Variants in ATP6V1C2 observed in about 807,000 individuals in gnomAD.
The protein encoded by ATP6V1C2 is ATPase H+ transporting V1 subunit C2.
Under a neutral mutation model 56.8 loss-of-function variants are expected in ATP6V1C2, and 45 were observed. That is an observed-to-expected ratio of 0.79 (90% CI 0.62 to 1.02). The LOEUF is 1.02. ATP6V1C2 is among the 50% of genes least tolerant of loss of function. The pLI, the probability that ATP6V1C2 is intolerant of heterozygous loss-of-function variation, is 0.00. For synonymous variants in ATP6V1C2, 220 were observed against 201.3 expected, an observed-to-expected ratio of 1.09 and a Z score of -0.79; for missense variants, 463 against 519.7, an observed-to-expected ratio of 0.89 and a Z score of 1.06.
chr2:10,745,041 C>CTTTTTTTTTTTTTTTTTTTT (rs5829274), intron 3 of ATP6V1C2, among the ~76,000 whole-genome samples: 18 of 113,302 alleles, frequency 1.6e-4, no homozygotes, highest in East Asian at 7.7e-4. Flanking sequence ...TATTTATTTT[C>CTTTTTTTTTTTTTTTTTTTT]TTTTTTTTTT....
At chr2:10,731,991 GAA>G (rs372717221) in intron 3 of ATP6V1C2, among the ~76,000 whole-genome samples, 1 of 142,422 alleles carries the variant, frequency 7.0e-6, no homozygotes, top group African/African-American at 2.6e-5. Flanking sequence ...AAGAATAAAA[GAA>G]AAAAAAAAAG....
chr2:10,727,814 G>T lies in ATP6V1C2; in HGVS notation c.197+1245G>T, dbSNP rs150599286. Among the ~76,000 whole-genome samples the T allele has an allele frequency of 9.7e-3, 1,467 of 151,472 alleles. 28 individuals carry two copies. Among genetic ancestry groups the T allele is most frequent in the African/African-American group, 0.033 (1,368 of 41,192 alleles). ...CTCCGGAGGCTGAGGCAGGAGAATC[G>T]CTTGAGCGGGGGAGGGGGGATGGGG... On this transcript the variant is annotated intron_variant, in intron 3 of 13. Transcript: ENST00000272238.
intron 5 of ATP6V1C2, among the ~76,000 whole-genome samples, chr2:10,768,438 A>T (rs1664370432): frequency 6.6e-6 from 1 of 152,174 alleles, no homozygotes; most frequent in African/African-American, 2.4e-5. Flanking sequence ...CTGAGAGGGT[A>T]GGTGTGGGCG....
At chr2:10,742,288 G>T (rs529693656) in intron 3 of ATP6V1C2, among the ~76,000 whole-genome samples, 2 of 152,302 alleles carry the variant, frequency 1.3e-5, no homozygotes, top group South Asian at 4.1e-4. Context: ...GAGGGAGAAA[G>T]CCTTCTCTTT....
In ATP6V1C2 at chr2:10,777,590, T is replaced by G; in HGVS notation, c.831T>G (p.Thr277=). 6.2e-7 allele frequency: 1 copy of G among 1,611,426 alleles called. No homozygotes were observed. The highest frequency in any genetic ancestry group is 1.7e-5 in the Admixed American group (1 of 59,050). ...AATCATTTCTGTGCCTTTAGCAAACTTCCTGTGTTGCTCTTAAAAAGGGAT... is the reference window on the plus strand; with the variant it reads ...AATCATTTCTGTGCCTTTAGCAAACGTCCTGTGTTGCTCTTAAAAAGGGAT... ...LLSDKKQQYQ[T]SCVALKKGSS... is the part of the protein sequence containing the mutation. The change falls in exon 11 of 14, where the codon ACT becomes ACG. Residue 277 remains threonine, a synonymous_variant. Transcript: ENST00000272238.
chr2:10,724,615 A>G (rs1388824669), intron 2 of ATP6V1C2, among the ~76,000 whole-genome samples: 1 of 151,790 alleles, frequency 6.6e-6, no homozygotes, highest in Non-Finnish European at 1.5e-5. Context: ...AAATTAAGTT[A>G]CTTGAGAAGA....
At chr2:10,757,702 G>A (rs1431990862) in intron 4 of ATP6V1C2, among the ~76,000 whole-genome samples, 2 of 152,322 alleles carry the variant, frequency 1.3e-5, no homozygotes, top group African/African-American at 2.4e-5. Context: ...AGCTGGGAAC[G>A]CTTTGACCTT....
chr2:10,721,104 G>A (rs1661333839), upstream of ATP6V1C2, among the ~76,000 whole-genome samples: 3 of 152,132 alleles, frequency 2.0e-5, no homozygotes, highest in East Asian at 1.9e-4. Flanking sequence ...GCGCCCACAC[G>A]GACAGGAAAA....
chr2:10,779,483 C>T (rs1281098315), intron 12 of ATP6V1C2, among the ~76,000 whole-genome samples: 1 of 147,288 alleles, frequency 6.8e-6, no homozygotes, highest in African/African-American at 2.5e-5. Context: ...CATGGACTGT[C>T]GAGACCAGCC....
At chr2:10,776,742 G>A (rs942021244) in intron 10 of ATP6V1C2, among the ~76,000 whole-genome samples, 15 of 152,182 alleles carry the variant, frequency 9.9e-5, no homozygotes, top group Admixed American at 3.3e-4. Context: ...CACCCACCTG[G>A]GCACTGGCCC....
chr2:10,774,657 G>A (rs1664840203), intron 8 of ATP6V1C2, 131 bp from the exon 9 acceptor site: 1 of 756,644 alleles, frequency 1.3e-6, no homozygotes, highest in African/African-American at 1.7e-5. Flanking sequence ...CTCAGGGAGT[G>A]TCCTTGGTTC....
At chr2:10,724,935 C>T (rs1661559365) in intron 2 of ATP6V1C2, among the ~76,000 whole-genome samples, 2 of 152,082 alleles carry the variant, frequency 1.3e-5, no homozygotes, top group Non-Finnish European at 1.5e-5. Context: ...AGGTGTGAGC[C>T]ACTGTGCCCA....
chr2:10,721,898 G>C (rs1367816928), intron 1 of ATP6V1C2, among the ~76,000 whole-genome samples, 167 bp downstream of exon 1: 1 of 152,224 alleles, frequency 6.6e-6, no homozygotes, highest in Non-Finnish European at 1.5e-5. Flanking sequence ...AGGTGCTGCG[G>C]CGGGCCAGTT....
rs764921706 is a variant in ATP6V1C2, at chr2:10,768,757, G to A, written c.417G>A (p.Thr139=). The A allele has an allele frequency of 1.5e-5, 24 of 1,613,982 alleles. No individual in the cohort carries two copies. Among genetic ancestry groups the A allele is most frequent in the East Asian group, 1.3e-4 (6 of 44,882 alleles). ...AQIEMDLKSR[T]AAYNTLKTNL... The stretch of plus-strand genomic sequence containing the variant: ...TCGAGATGGACCTGAAGTCCCGAAC[G>A]GCCGCCTACAACACTCTGAAGACAA... The change falls in exon 6 of 14, where the codon ACG becomes ACA. Residue 139 remains threonine (T), a synonymous_variant. Coordinates refer to ENST00000272238, the MANE Select transcript of ATP6V1C2 (RefSeq NM_001039362.2).
chr2:10,774,661 T>C, intron 8 of ATP6V1C2, 127 bp from the exon 9 acceptor site: 1 of 777,560 alleles, frequency 1.3e-6, no homozygotes, highest in South Asian at 1.6e-5. Flanking sequence ...GGGAGTGTCC[T>C]TGGTTCCCCA....
intron 4 of ATP6V1C2, among the ~76,000 whole-genome samples, chr2:10,758,884 G>T (rs953508988): frequency 6.6e-6 from 1 of 152,130 alleles, no homozygotes; most frequent in African/African-American, 2.4e-5. Flanking sequence ...GTCCAGGATG[G>T]TCTTGATCTC....
chr2:10,730,575 C>T (rs1276232807), intron 3 of ATP6V1C2, among the ~76,000 whole-genome samples: 2 of 147,622 alleles, frequency 1.4e-5, no homozygotes, highest in Non-Finnish European at 3.0e-5. Flanking sequence ...ACAGGCACTC[C>T]TAGTCACCAA....
chr2:10,737,852 C>T (rs1440640916), intron 3 of ATP6V1C2, among the ~76,000 whole-genome samples: 1 of 152,112 alleles, frequency 6.6e-6, no homozygotes, highest in Non-Finnish European at 1.5e-5. Context: ...CACCACCAGG[C>T]CCAGCTATTT....
chr2:10,760,058 A>G (rs1663818821), intron 4 of ATP6V1C2, among the ~76,000 whole-genome samples: 1 of 150,928 alleles, frequency 6.6e-6, no homozygotes, highest in Non-Finnish European at 1.5e-5. Context: ...TTTTGAAAAA[A>G]AATATATAAA....
Sources: gnomAD v4.1 joint callset for allele counts (sites outside exome capture counted in the v4.1 genomes callset) on GRCh38, gnomAD v4.1.1 for gene constraint, MANE v1.5 for transcripts, NCBI Gene and HGNC (gene_info 2026-07-23, HGNC 2026-07-21) for gene names.